The following NUBPL variants were observed in gnomAD, a reference collection of about 807,000 sequenced individuals.
NUBPL encodes NUBP iron-sulfur cluster assembly factor, mitochondrial.
In NUBPL, 31 loss-of-function variants were observed where a neutral mutation model predicts 45.7. That is an observed-to-expected ratio of 0.68 (90% CI 0.51 to 0.92). NUBPL has a LOEUF of 0.92. Ranked by LOEUF, NUBPL falls within the 40% of genes least tolerant of loss-of-function variation. The pLI is 0.00. For missense variants in NUBPL, 401 were observed against 398.7 expected (o/e 1.01, Z -0.05); for synonymous variants, 144 against 140.9 (o/e 1.02, Z -0.15).
At chr14:31,720,102 A>G (rs1034896632) in intron 6 of NUBPL, among the ~76,000 whole-genome samples, 2 of 152,172 alleles carry the variant, frequency 1.3e-5, no homozygotes, top group Non-Finnish European at 2.9e-5. Flanking sequence ...ATGATTTTCC[A>G]GGCTAGTACC....
At chr14:31,730,084 C>T (rs566394835) in intron 6 of NUBPL, among the ~76,000 whole-genome samples, 2 of 152,156 alleles carry the variant, frequency 1.3e-5, no homozygotes, top group East Asian at 3.9e-4. Flanking sequence ...GATATCATGG[C>T]AGTACGGCAA....
At chr14:31,680,762 G>A (rs949099558) in intron 6 of NUBPL, among the ~76,000 whole-genome samples, 5 of 152,058 alleles carry the variant, frequency 3.3e-5, no homozygotes, top group Admixed American at 1.3e-4. Flanking sequence ...TAACTAATAC[G>A]GTGTAAATAG....
At chr14:31,637,508 A>C (rs572449435) in intron 4 of NUBPL, among the ~76,000 whole-genome samples, 16 of 152,306 alleles carry the variant, frequency 1.1e-4, no homozygotes, top group Non-Finnish European at 1.9e-4. Flanking sequence ...TTTACTTCCA[A>C]GTATGTGGTC....
chr14:31,595,195 C>T (rs2034251446), intron 3 of NUBPL, among the ~76,000 whole-genome samples: 1 of 152,152 alleles, frequency 6.6e-6, no homozygotes, highest in Non-Finnish European at 1.5e-5. Context: ...AATAATTCTG[C>T]CACCTTTTAC....
At chr14:31,748,693 A>C (rs112806463) in intron 6 of NUBPL, among the ~76,000 whole-genome samples, 2 of 151,814 alleles carry the variant, frequency 1.3e-5, no homozygotes, top group Non-Finnish European at 2.9e-5. Context: ...GCTCACTGCA[A>C]CCTCTGCCTC....
intron 7 of NUBPL, among the ~76,000 whole-genome samples, chr14:31,798,990 A>G (rs367850991): frequency 2.6e-5 from 4 of 152,004 alleles, no homozygotes; most frequent in Admixed American, 2.0e-4. Context: ...AACTACAGGA[A>G]CACTATCAAA....
At chr14:31,622,363 C>G (rs1002497866) in intron 4 of NUBPL, among the ~76,000 whole-genome samples, 7 of 152,016 alleles carry the variant, frequency 4.6e-5, no homozygotes, top group Admixed American at 1.3e-4. Context: ...GAAAGCAAAA[C>G]TCGTTTTTTT....
Position 31,673,346 on chromosome 14 carries a change from T to TC in NUBPL, c.383-9_383-8insC. 6.2e-7 allele frequency: 1 copy of TC among 1,600,996 alleles called. No individual in the cohort carries two copies. Among genetic ancestry groups the TC allele is most frequent in the Non-Finnish European group, 8.5e-7 (1 of 1,173,432 alleles). ...TTGTTCTAAAAGAGAGGATTTTTTT[T>TC]TTTTCCAGGCAACCTAATGAGGCCT... On this transcript the variant is annotated splice_polypyrimidine_tract_variant and intron_variant, in intron 4 of 10. Coordinates refer to ENST00000281081, the MANE Select transcript of NUBPL (RefSeq NM_025152.3).
chr14:31,781,944 G>A (rs1009839908), intron 6 of NUBPL, among the ~76,000 whole-genome samples: 21 of 151,616 alleles, frequency 1.4e-4, no homozygotes, highest in South Asian at 4.2e-4. Context: ...ACTTTCTTAC[G>A]TCTCTCTCCC....
At chr14:31,663,073 A>G (rs2036313755) in intron 4 of NUBPL, among the ~76,000 whole-genome samples, 1 of 151,990 alleles carries the variant, frequency 6.6e-6, no homozygotes. Context: ...TCCTTCACCC[A>G]CTTTTTGATG....
At chr14:31,617,162 GGAGATTTTGGGCT>G (rs1178064417) in intron 4 of NUBPL, among the ~76,000 whole-genome samples, 3 of 152,174 alleles carry the variant, frequency 2.0e-5, no homozygotes, top group Non-Finnish European at 4.4e-5. Flanking sequence ...ACCAGCTTAA[GGAGATTTTGGGCT>G]GAGATGATGG....
chr14:31,855,276 T>C (rs1028470584), intron 10 of NUBPL, among the ~76,000 whole-genome samples: 2 of 152,260 alleles, frequency 1.3e-5, no homozygotes, highest in Non-Finnish European at 2.9e-5. Context: ...AACCTTTCTT[T>C]ATAAGTAGAT....
At chr14:31,684,513 T>C (rs1281815538) in intron 6 of NUBPL, among the ~76,000 whole-genome samples, 2 of 152,224 alleles carry the variant, frequency 1.3e-5, no homozygotes, top group African/African-American at 4.8e-5. Context: ...ACTCTGGTGG[T>C]ATGAATACAG....
At chr14:31,614,399 C>G (rs998971281) in intron 4 of NUBPL, among the ~76,000 whole-genome samples, 4 of 152,108 alleles carry the variant, frequency 2.6e-5, no homozygotes, top group Non-Finnish European at 4.4e-5. Flanking sequence ...GTAGCATAGC[C>G]TTTGGAGGAA....
At chr14:31,694,896 C>A (rs1005077434) in intron 6 of NUBPL, among the ~76,000 whole-genome samples, 1 of 152,132 alleles carries the variant, frequency 6.6e-6, no homozygotes, top group Non-Finnish European at 1.5e-5. Flanking sequence ...AGACATAGAT[C>A]CAGAGTTCAA....
At chr14:31,618,815 G>A (rs898670013) in intron 4 of NUBPL, among the ~76,000 whole-genome samples, 3 of 152,070 alleles carry the variant, frequency 2.0e-5, no homozygotes, top group African/African-American at 7.2e-5. Flanking sequence ...CTTGAACTCA[G>A]AGCTGAGTTC....
intron 8 of NUBPL, among the ~76,000 whole-genome samples, chr14:31,827,805 A>G (rs1447903510): frequency 6.6e-6 from 1 of 152,230 alleles, no homozygotes; most frequent in Non-Finnish European, 1.5e-5. Context: ...ATGACACAGG[A>G]TAAGATCCAG....
intron 6 of NUBPL, among the ~76,000 whole-genome samples, chr14:31,779,594 C>T (rs1234877794): frequency 6.6e-6 from 1 of 152,030 alleles, no homozygotes; most frequent in African/African-American, 2.4e-5. Flanking sequence ...GGGGAAATCC[C>T]CTGAATGTCC....
chr14:31,756,487 T>C (rs1032518022), intron 6 of NUBPL, among the ~76,000 whole-genome samples: 4 of 152,044 alleles, frequency 2.6e-5, no homozygotes, highest in African/African-American at 9.7e-5. Context: ...TCACTCATGA[T>C]TTGGCTCTCT....
Sources: gnomAD v4.1 joint callset for allele counts (sites outside exome capture counted in the v4.1 genomes callset) on GRCh38, gnomAD v4.1.1 for gene constraint, MANE v1.5 for transcripts, NCBI Gene and HGNC (gene_info 2026-07-23, HGNC 2026-07-21) for gene names.